The following ZFHX3 variants were observed in gnomAD, a reference collection of about 807,000 sequenced individuals.
The protein encoded by ZFHX3 is zinc finger homeobox protein 3.
ZFHX3 carries 42 observed loss-of-function variants against 279.1 expected under a neutral mutation model. The observed-to-expected ratio is 0.15, with a 90% CI of 0.12 to 0.19. The LOEUF (loss-of-function observed/expected upper bound fraction) is 0.19, where lower values mean the gene tolerates loss of function less well. Among genes scored for constraint, ZFHX3 ranks in the 10% least tolerant of loss-of-function variants. The pLI is 1.00. For synonymous variants in ZFHX3, 2,293 were observed against 1,957.8 expected (o/e 1.17, Z -4.52); for missense variants, 4,981 against 4,754.0 (o/e 1.05, Z -1.40).
intron 2 of ZFHX3, among the ~76,000 whole-genome samples, chr16:73,472,591 C>T (rs1014818142): frequency 7.2e-5 from 11 of 152,292 alleles, no homozygotes; most frequent in African/African-American, 2.6e-4. Context: ...CAGACTCACC[C>T]TTCATTTTCC....
chr16:73,575,870 A>T (rs1439204333), intron 2 of ZFHX3, among the ~76,000 whole-genome samples: 1 of 152,136 alleles, frequency 6.6e-6, no homozygotes, highest in Non-Finnish European at 1.5e-5. Flanking sequence ...CTAAGCCCTG[A>T]CCAGTTCACA....
intron 3 of ZFHX3, among the ~76,000 whole-genome samples, chr16:73,394,742 C>T (rs2017092638): frequency 6.6e-6 from 1 of 152,194 alleles, no homozygotes. Context: ...GAGGCTTTGA[C>T]ATGGTCCCAA....
At chr16:72,875,633 G>A (rs1235671658) in intron 4 of ZFHX3, among the ~76,000 whole-genome samples, 1 of 152,190 alleles carries the variant, frequency 6.6e-6, no homozygotes, top group Non-Finnish European at 1.5e-5. Flanking sequence ...GGAAAGTACT[G>A]TAAACGCTAA....
chr16:72,881,982 T>C (rs554609604), intron 4 of ZFHX3, among the ~76,000 whole-genome samples: 1 of 152,172 alleles, frequency 6.6e-6, no homozygotes, highest in Non-Finnish European at 1.5e-5. Context: ...ACACTTGGTA[T>C]GACATGATGT....
At chr16:73,391,027 T>C (rs753973672) in intron 3 of ZFHX3, among the ~76,000 whole-genome samples, 1 of 151,722 alleles carries the variant, frequency 6.6e-6, no homozygotes, top group Middle Eastern at 3.2e-3. Flanking sequence ...GAAACTGCCA[T>C]GAGGGACAGT....
At chr16:73,300,939 C>T (rs2015042037) in intron 4 of ZFHX3, among the ~76,000 whole-genome samples, 2 of 152,256 alleles carry the variant, frequency 1.3e-5, no homozygotes, top group Non-Finnish European at 2.9e-5. Context: ...TGTTGGAGAG[C>T]TGATAAGATC....
intron 1 of ZFHX3, among the ~76,000 whole-genome samples, chr16:73,003,512 A>ACCCCCCCCCCC (rs142323888): frequency 2.5e-5 from 3 of 120,674 alleles, no homozygotes; most frequent in Non-Finnish European, 3.4e-5. Flanking sequence ...ACATGGTGAG[A>ACCCCCCCCCCC]CCCCCCCCTC....
rs374756097 is a variant in ZFHX3, at chr16:73,843,232, G to A, written c.-1608+48419C>T. On this transcript the variant is annotated intron_variant, in intron 1 of 17. Coordinates refer to the ZFHX3 transcript ENST00000641206. ...TAGTGGGGAACGGAGAACAAAGACTGGAGTTTTATTTAAAGAACAAGTCAA... is the reference window on the plus strand; with the variant it reads ...TAGTGGGGAACGGAGAACAAAGACTAGAGTTTTATTTAAAGAACAAGTCAA... Among the ~76,000 whole-genome samples, 16 of 152,314 alleles carry A rather than the reference G, an allele frequency of 1.1e-4. 1 individual carries two copies. Among genetic ancestry groups the A allele is most frequent in the Admixed American group, 6.5e-4 (10 of 15,298 alleles).
At chr16:73,689,958 C>A (rs2053132353) in intron 1 of ZFHX3, among the ~76,000 whole-genome samples, 1 of 151,900 alleles carries the variant, frequency 6.6e-6, no homozygotes, top group Admixed American at 6.6e-5. Context: ...TAGCATCACC[C>A]AGGCTGGAGT....
intron 2 of ZFHX3, among the ~76,000 whole-genome samples, chr16:73,535,785 T>C (rs1191732675): frequency 6.7e-6 from 1 of 149,228 alleles, no homozygotes; most frequent in African/African-American, 2.5e-5. Context: ...TGCAATGGTG[T>C]GATCTCGGCT....
chr16:73,152,588 G>T (rs181855248), intron 5 of ZFHX3, among the ~76,000 whole-genome samples: 1 of 149,562 alleles, frequency 6.7e-6, no homozygotes, highest in Admixed American at 6.7e-5. Flanking sequence ...CCCAAACTTT[G>T]TATACAAACT....
chr16:73,652,219 C>T (rs1280749255), intron 2 of ZFHX3, among the ~76,000 whole-genome samples: 2 of 152,134 alleles, frequency 1.3e-5, no homozygotes, highest in Non-Finnish European at 2.9e-5. Context: ...AAAGTGAGGG[C>T]TCCCACATGT....
intron 2 of ZFHX3, among the ~76,000 whole-genome samples, chr16:73,670,170 A>G (rs1270307057): frequency 6.6e-6 from 1 of 152,218 alleles, no homozygotes; most frequent in Non-Finnish European, 1.5e-5. Context: ...AAGTATCTCA[A>G]TGCTGACCAC....
At chr16:73,073,016 CCT>C (rs1265009822) in intron 8 of ZFHX3, among the ~76,000 whole-genome samples, 7 of 151,960 alleles carry the variant, frequency 4.6e-5, no homozygotes, top group African/African-American at 1.7e-4. Flanking sequence ...CCTGCCTTAG[CCT>C]CTCAAGTAGC....
At chr16:73,050,988 A>C (rs1400352589), upstream of ZFHX3, among the ~76,000 whole-genome samples, 2 of 152,186 alleles carry the variant, frequency 1.3e-5, no homozygotes, top group African/African-American at 2.4e-5. Context: ...TACCGAGCCA[A>C]ACCTGCTTGT....
intron 3 of ZFHX3, among the ~76,000 whole-genome samples, chr16:73,411,241 T>G (rs917606953): frequency 6.6e-6 from 1 of 152,238 alleles, no homozygotes; most frequent in Admixed American, 6.5e-5. Flanking sequence ...AAAAATGTCC[T>G]CAATTTTTTG....
chr16:73,202,043 AT>A (rs768356862), intron 5 of ZFHX3, among the ~76,000 whole-genome samples: 12 of 151,536 alleles, frequency 7.9e-5, no homozygotes, highest in East Asian at 1.9e-4. Context: ...TGGGAAGAAC[AT>A]TTTTTTTTAA....
intron 1 of ZFHX3, among the ~76,000 whole-genome samples, chr16:73,020,040 C>A (rs1964247167): frequency 6.6e-6 from 1 of 152,152 alleles, no homozygotes. Flanking sequence ...ACAAAATCCA[C>A]TGTACCCTGC....
intron 2 of ZFHX3, among the ~76,000 whole-genome samples, chr16:73,485,629 A>C (rs565175062): frequency 6.6e-6 from 1 of 152,020 alleles, no homozygotes; most frequent in African/African-American, 2.4e-5. Context: ...TTCCAGCCAC[A>C]CTAAGTGTCT....
Sources: allele counts gnomAD v4.1 joint callset (sites outside exome capture counted in the v4.1 genomes callset), GRCh38; gene constraint gnomAD v4.1.1; transcripts MANE v1.5; gene names NCBI Gene and HGNC (gene_info 2026-07-23, HGNC 2026-07-21).